Variants in SPATA13 observed in about 807,000 individuals in gnomAD.
The protein encoded by SPATA13 is spermatogenesis-associated protein 13.
SPATA13 carries 50 observed loss-of-function variants against 104.0 expected under a neutral mutation model. The observed-to-expected ratio is 0.48, with a 90% CI of 0.38 to 0.61. The LOEUF (loss-of-function observed/expected upper bound fraction) is 0.61, where lower values mean the gene tolerates loss of function less well. Among genes scored for constraint, SPATA13 ranks in the 20% least tolerant of loss-of-function variants. SPATA13 has a pLI of 0.00. For synonymous variants in SPATA13, 606 were observed against 667.5 expected (o/e 0.91, Z 1.42); for missense variants, 1,524 against 1,690.6 (o/e 0.90, Z 1.73).
At chr13:24,043,438 G>A (rs1364772625) in intron 3 of SPATA13, among the ~76,000 whole-genome samples, 4 of 151,910 alleles carry the variant, frequency 2.6e-5, no homozygotes, top group African/African-American at 9.7e-5. Flanking sequence ...AAAGAACACT[G>A]AGAACATTGC....
chr13:24,085,083 C>T (rs544432183), intron 3 of SPATA13, among the ~76,000 whole-genome samples: 2 of 150,528 alleles, frequency 1.3e-5, no homozygotes, highest in South Asian at 4.2e-4. Context: ...CGATGTTGAT[C>T]TGGAGTGTGT....
chr13:24,091,100 CTGAGGGGCTCTG>C (rs1339082367), intron 3 of SPATA13, among the ~76,000 whole-genome samples: 4 of 152,308 alleles, frequency 2.6e-5, no homozygotes, highest in Middle Eastern at 3.4e-3. Flanking sequence ...TCAGCCTTTG[CTGAGGGGCTCTG>C]TGTGTGTGTT....
chr13:24,152,833 TTCTC>T lies in SPATA13; in HGVS notation c.-111-69974_-111-69971del, dbSNP rs140783597. ...GGAATTGACAGGTCTTGAAGCAGCT[TTCTC>T]TCTCTCTCTCTTTCTCTTCCTCTCC... is the stretch of plus-strand genomic sequence containing the variant. On this transcript the variant is annotated intron_variant, in intron 3 of 14. Coordinates refer to the SPATA13 transcript ENST00000424834. Among the ~76,000 whole-genome samples, 553 of 151,944 alleles carry T rather than the reference TTCTC, an allele frequency of 3.6e-3. 4 individuals carry two copies. The highest frequency in any genetic ancestry group is 0.013 in the African/African-American group (533 of 41,468).
chr13:23,993,969 T>C (rs1208831300), intron 2 of SPATA13, among the ~76,000 whole-genome samples: 1 of 97,088 alleles, frequency 1.0e-5, no homozygotes, highest in Non-Finnish European at 2.0e-5. Context: ...ATGGTGGTGG[T>C]GTTTTTTTTT....
intron 9 of SPATA13, among the ~76,000 whole-genome samples, chr13:24,291,324 A>C (rs1196388800): frequency 1.3e-5 from 2 of 152,214 alleles, no homozygotes; most frequent in Non-Finnish European, 2.9e-5. Context: ...AGGATTCTTT[A>C]TGGCAGAAAC....
intron 3 of SPATA13, among the ~76,000 whole-genome samples, chr13:24,055,860 C>T (rs936703186): frequency 1.3e-5 from 2 of 152,248 alleles, no homozygotes; most frequent in Admixed American, 1.3e-4. Flanking sequence ...GTCCAATCCA[C>T]CACCGCACGG....
intron 1 of SPATA13, among the ~76,000 whole-genome samples, chr13:24,220,005 C>T (rs912955822): frequency 5.9e-5 from 9 of 152,146 alleles, no homozygotes; most frequent in Non-Finnish European, 2.9e-5. Flanking sequence ...GTACTGCCTC[C>T]CAGTTGTACT....
chr13:24,147,309 T>G (rs1881965021), intron 3 of SPATA13, among the ~76,000 whole-genome samples: 2 of 152,092 alleles, frequency 1.3e-5, no homozygotes, highest in African/African-American at 4.8e-5. Flanking sequence ...TGACAGTGAG[T>G]GTAGTCTGCT....
intron 2 of SPATA13, among the ~76,000 whole-genome samples, chr13:24,225,082 A>G (rs1871853881): frequency 6.6e-6 from 1 of 152,234 alleles, no homozygotes; most frequent in South Asian, 2.1e-4. Context: ...GTGGGCTGGC[A>G]GTGCCTCTGC....
chr13:23,986,635 A>C (rs141654851), intron 2 of SPATA13, among the ~76,000 whole-genome samples: 1 of 152,296 alleles, frequency 6.6e-6, no homozygotes, highest in Non-Finnish European at 1.5e-5. Context: ...GCCTGGGAAA[A>C]TGTTTAGAGG....
At chr13:24,008,291 C>T (rs1460168154) in intron 2 of SPATA13, among the ~76,000 whole-genome samples, 1 of 152,202 alleles carries the variant, frequency 6.6e-6, no homozygotes, top group African/African-American at 2.4e-5. Context: ...AGGTTGTGGG[C>T]TGAGGGGCTC....
In SPATA13 at chr13:24,289,156, T is replaced by C. The variant is rs1003715210; in HGVS notation, c.2825T>C (p.Ile942Thr). 1.2e-6 allele frequency: 2 copies of C among 1,610,588 alleles called. No homozygotes were observed. The highest frequency in any genetic ancestry group is 1.7e-6 in the Non-Finnish European group (2 of 1,179,276). ...YNKEEPHLSE[I>T]GSCFLQNQEG... is the part of the protein sequence containing the mutation. ...AAAGAGGAACCTCACTTAAGTGAAA[T>C]AGGATCTTGCTTTCTTCAAAATGTG... is the stretch of plus-strand genomic sequence containing the variant. Residue 942 changes from isoleucine to threonine, a missense_variant, in exon 8 of 13, where the codon ATA becomes ACA. Ile to Thr is a moderately conservative substitution (Grantham distance 89, BLOSUM62 -1). Transcript: ENST00000382108.
intron 3 of SPATA13, among the ~76,000 whole-genome samples, chr13:24,104,361 A>C (rs1309007256): frequency 6.6e-6 from 1 of 152,168 alleles, no homozygotes; most frequent in Non-Finnish European, 1.5e-5. Context: ...TGAAAAAGCA[A>C]TTTAGCCCAC....
chr13:24,000,811 TTCGGGAGAACCCTGGGTGA>T (rs1875930222), intron 2 of SPATA13, among the ~76,000 whole-genome samples: 1 of 152,040 alleles, frequency 6.6e-6, no homozygotes. Flanking sequence ...GAGGTTTGAA[TTCGGGAGAACCCTGGGTGA>T]GAGGTGTGAA....
intron 7 of SPATA13, 86 bp downstream of exon 7, chr13:24,287,036 G>GC (rs968643103): frequency 3.5e-5 from 36 of 1,039,118 alleles, no homozygotes; most frequent in Middle Eastern, 2.9e-4. Context: ...TCCACCCCCC[G>GC]CCCCCCCATC....
Position 24,029,312 on chromosome 13 carries a change from C to T in SPATA13, c.-112+11611C>T, listed in dbSNP as rs143625338. ...AATTTTTGTTTGCTTTTACCAGATG[C>T]GTCAGGACAGTACAAATTTGGATCT... On this transcript the variant is annotated intron_variant, in intron 3 of 14. Coordinates refer to the SPATA13 transcript ENST00000424834. Among the ~76,000 whole-genome samples, 175 of 152,234 alleles carry T rather than the reference C, an allele frequency of 1.1e-3. 2 individuals are homozygous for T. Among genetic ancestry groups the T allele is most frequent in the African/African-American group, 3.4e-3 (142 of 41,542 alleles).
chr13:24,215,692 T>C (rs1462499338), intron 1 of SPATA13, among the ~76,000 whole-genome samples: 1 of 152,150 alleles, frequency 6.6e-6, no homozygotes, highest in Non-Finnish European at 1.5e-5. Context: ...ATCATTCCCT[T>C]TAGGGGTATT....
intron 1 of SPATA13, among the ~76,000 whole-genome samples, chr13:24,180,502 A>T (rs1057498364): frequency 6.6e-6 from 1 of 152,194 alleles, no homozygotes; most frequent in Non-Finnish European, 1.5e-5. Context: ...TATTAATTAT[A>T]GGATCAGCTT....
chr13:24,111,953 G>A (rs1174659180), intron 3 of SPATA13, among the ~76,000 whole-genome samples: 1 of 152,218 alleles, frequency 6.6e-6, no homozygotes, highest in African/African-American at 2.4e-5. Flanking sequence ...ATCAGCGGAA[G>A]CACTTTCTCA....
Sources: gnomAD v4.1 joint callset for allele counts (sites outside exome capture counted in the v4.1 genomes callset) on GRCh38, gnomAD v4.1.1 for gene constraint, MANE v1.5 for transcripts, NCBI Gene and HGNC (gene_info 2026-07-23, HGNC 2026-07-21) for gene names.